The following SLC25A42 variants were observed in gnomAD, a reference collection of about 807,000 sequenced individuals.
SLC25A42 encodes mitochondrial coenzyme A transporter SLC25A42.
In SLC25A42, 19 loss-of-function variants were observed where a neutral mutation model predicts 34.7. The observed-to-expected ratio is 0.55, with a 90% CI of 0.38 to 0.80. The LOEUF (loss-of-function observed/expected upper bound fraction) is 0.80, where lower values mean the gene tolerates loss of function less well. Among genes scored for constraint, SLC25A42 ranks in the 30% least tolerant of loss-of-function variants. SLC25A42 has a pLI of 0.00. For missense variants in SLC25A42, 364 were observed against 441.3 expected (o/e 0.82, Z 1.57); for synonymous variants, 205 against 191.2 (o/e 1.07, Z -0.59).
At chr19:19,094,882 T>C (rs1416903672) in intron 1 of SLC25A42, among the ~76,000 whole-genome samples, 1 of 151,488 alleles carries the variant, frequency 6.6e-6, no homozygotes, top group Admixed American at 6.6e-5. Flanking sequence ...CTCTACAAAA[T>C]ATAAAATGAA....
At chr19:19,096,239 C>A (rs1161850123) in intron 2 of SLC25A42, 34 bp downstream of exon 2, 2 of 1,587,706 alleles carry the variant, frequency 1.3e-6, no homozygotes, top group Non-Finnish European at 8.6e-7. Context: ...TGGGTGTTCT[C>A]CTGGGGCCCC....
At chr19:19,108,303 T>G (rs1036930439) in intron 7 of SLC25A42, among the ~76,000 whole-genome samples, 1 of 152,122 alleles carries the variant, frequency 6.6e-6, no homozygotes, top group Non-Finnish European at 1.5e-5. Context: ...GTAATCCCAG[T>G]GCTTTGGGAG....
chr19:19,099,346 C>T (rs1016334620), intron 2 of SLC25A42, among the ~76,000 whole-genome samples: 1 of 152,108 alleles, frequency 6.6e-6, no homozygotes, highest in African/African-American at 2.4e-5. Flanking sequence ...ACCCTGGGAG[C>T]ACTGAGGAAA....
chr19:19,092,342 CAG>C (rs2059742558), intron 1 of SLC25A42, among the ~76,000 whole-genome samples: 1 of 152,242 alleles, frequency 6.6e-6, no homozygotes, highest in African/African-American at 2.4e-5. Context: ...CAGCTGCCCT[CAG>C]TGCTCTGTCA....
intron 1 of SLC25A42, among the ~76,000 whole-genome samples, chr19:19,086,019 G>A (rs554599709): frequency 1.3e-5 from 2 of 152,316 alleles, no homozygotes; most frequent in South Asian, 2.1e-4. Flanking sequence ...ACCATGTGCC[G>A]TGGAGGACCT....
rs2059861496 is a variant in SLC25A42, at chr19:19,110,948, G to A, written c.*72G>A. On this transcript the variant is annotated 3_prime_UTR_variant, in exon 8 of 8. Transcript: ENST00000318596. The stretch of plus-strand genomic sequence containing the variant: ...ATTCTGGGCCCATGGAACGGTGGGG[G>A]GGTGCGCTTGATTCTACTTCAGGAG... The A allele has an allele frequency of 6.5e-7, 1 of 1,542,016 alleles. No homozygotes were observed. The highest frequency in any genetic ancestry group is 1.2e-5 in the South Asian group (1 of 85,890).
At chr19:19,093,260 C>T (rs2059747648) in intron 1 of SLC25A42, among the ~76,000 whole-genome samples, 1 of 152,186 alleles carries the variant, frequency 6.6e-6, no homozygotes, top group African/African-American at 2.4e-5. Context: ...AAGCGATCCT[C>T]CTACCTCAGC....
At chr19:19,066,991 C>T (rs971286465) in intron 1 of SLC25A42, among the ~76,000 whole-genome samples, 1 of 140,872 alleles carries the variant, frequency 7.1e-6, no homozygotes, top group African/African-American at 2.7e-5. Flanking sequence ...CACTCCTCTC[C>T]AGCCTGGACG....
At chr19:19,086,022 G>C (rs1366074622) in intron 1 of SLC25A42, among the ~76,000 whole-genome samples, 1 of 152,224 alleles carries the variant, frequency 6.6e-6, no homozygotes, top group African/African-American at 2.4e-5. Context: ...ATGTGCCGTG[G>C]AGGACCTGGA....
chr19:19,104,771 T>A (rs887659757), intron 3 of SLC25A42, 142 bp from the exon 4 acceptor site: 4 of 879,446 alleles, frequency 4.5e-6, no homozygotes, highest in African/African-American at 3.4e-5. Context: ...GGGGCTTGGG[T>A]GTCAGCTCAG....
rs573198824 is a variant in SLC25A42 at position 19,095,210 on chromosome 19, A to G, written c.-34-881A>G. 2.2e-3 allele frequency among the ~76,000 whole-genome samples: 114 copies of G among 52,712 alleles called. 1 individual carries two copies. The East Asian group carries it at 0.097, about 45-fold the overall frequency. The allele number at this position is 52,712 out of a possible 152,430, so 34.6% of individuals were successfully genotyped here. ...AGGGAGATTCTGTCAAAGCAAAAACAAAAACAAAAAAAAACACCCTTAGCT... is the reference window on the plus strand; with the variant it reads ...AGGGAGATTCTGTCAAAGCAAAAACGAAAACAAAAAAAAACACCCTTAGCT... On this transcript the variant is annotated intron_variant, in intron 1 of 7. Coordinates refer to ENST00000318596, the MANE Select transcript of SLC25A42 (RefSeq NM_178526.5).
At chr19:19,096,026 C>T (rs1412599194) in intron 1 of SLC25A42, 65 bp from the exon 2 acceptor site, 1 of 1,086,504 alleles carries the variant, frequency 9.2e-7, no homozygotes, top group East Asian at 2.5e-5. Context: ...TAGGAAAAGG[C>T]TGGTGGAACA....
intron 7 of SLC25A42, 66 bp downstream of exon 7, chr19:19,108,111 C>G (rs1599692743): frequency 6.6e-7 from 1 of 1,510,418 alleles, no homozygotes; most frequent in East Asian, 2.3e-5. Flanking sequence ...AGCAGCTCCA[C>G]CTGGGTCACA....
chr19:19,093,911 C>A (rs548749908), intron 1 of SLC25A42, among the ~76,000 whole-genome samples: 1 of 152,132 alleles, frequency 6.6e-6, no homozygotes, highest in Non-Finnish European at 1.5e-5. Context: ...CTCCTGAGCT[C>A]GTGATCTGCC....
intron 4 of SLC25A42, 62 bp downstream of exon 4, chr19:19,105,000 G>A (rs1568523609): frequency 1.9e-6 from 3 of 1,597,544 alleles, no homozygotes; most frequent in Admixed American, 1.7e-5. Context: ...TGGGCTGGCA[G>A]GAGTTAGGCA....
chr19:19,107,384 G>A (rs1405321559), intron 6 of SLC25A42, among the ~76,000 whole-genome samples: 1 of 151,556 alleles, frequency 6.6e-6, no homozygotes, highest in Non-Finnish European at 1.5e-5. Flanking sequence ...TGTAATTCCA[G>A]CACTTTGAGA....
At chr19:19,083,044 A>G (rs760830369) in intron 1 of SLC25A42, among the ~76,000 whole-genome samples, 4 of 151,242 alleles carry the variant, frequency 2.6e-5, no homozygotes, top group Non-Finnish European at 5.9e-5. Context: ...ATGGTCATGA[A>G]CTCTTGACCT....
chr19:19,097,381 T>G (rs907141870), intron 2 of SLC25A42, among the ~76,000 whole-genome samples: 2 of 152,338 alleles, frequency 1.3e-5, no homozygotes, highest in Non-Finnish European at 2.9e-5. Flanking sequence ...CCTTGAAGTT[T>G]AGTGAAGGTC....
At chr19:19,091,881 A>G (rs953276910) in intron 1 of SLC25A42, among the ~76,000 whole-genome samples, 3 of 152,202 alleles carry the variant, frequency 2.0e-5, no homozygotes, top group African/African-American at 7.2e-5. Flanking sequence ...TGACTATAAA[A>G]CAGCAGCAAC....
Sources: gnomAD v4.1 joint callset for allele counts (sites outside exome capture counted in the v4.1 genomes callset) on GRCh38, gnomAD v4.1.1 for gene constraint, MANE v1.5 for transcripts, NCBI Gene and HGNC (gene_info 2026-07-23, HGNC 2026-07-21) for gene names.